Variants in CNTNAP2 observed in about 807,000 individuals in gnomAD.
CNTNAP2 encodes contactin associated protein 2, also known as contactin-associated protein-like 2.
A neutral mutation model predicts 155.2 loss-of-function variants in CNTNAP2; 98 were observed. The ratio of observed to expected loss-of-function variants is 0.63; its 90% CI spans 0.54 to 0.75. The LOEUF is 0.75. CNTNAP2 is among the 30% of genes least tolerant of loss of function. The pLI is 0.00. For missense variants in CNTNAP2, 1,727 were observed against 1,688.1 expected (o/e 1.02, Z -0.40); for synonymous variants, 651 against 631.2 (o/e 1.03, Z -0.47).
chr7:148,196,280 A>C (rs1330294745), intron 18 of CNTNAP2, among the ~76,000 whole-genome samples: 2 of 152,204 alleles, frequency 1.3e-5, no homozygotes, highest in East Asian at 1.9e-4. Context: ...ATGAAAATGC[A>C]GTTTGAATAG....
intron 1 of CNTNAP2, among the ~76,000 whole-genome samples, chr7:146,177,865 G>A (rs1006359602): frequency 1.3e-5 from 2 of 151,748 alleles, no homozygotes; most frequent in African/African-American, 2.4e-5. Context: ...TATTGTTTCT[G>A]TTGTTTCATA....
At chr7:147,031,049 T>G (rs1331639910) in intron 3 of CNTNAP2, among the ~76,000 whole-genome samples, 1 of 152,194 alleles carries the variant, frequency 6.6e-6, no homozygotes, top group African/African-American at 2.4e-5. Flanking sequence ...CTTCTACATT[T>G]TCGTATCCAT....
rs1197734072 is a variant in CNTNAP2, at chr7:146,701,759, G to A, written c.98-72512G>A. On this transcript the variant is annotated intron_variant, in intron 1 of 23. Coordinates refer to ENST00000361727, the MANE Select transcript of CNTNAP2 (RefSeq NM_014141.6). Reference sequence around the variant, plus strand: ...TGAAAATATATTATACTCTGATATTGAGAAATTTGCAGATTTTGAAGTAAG... The same window carrying A: ...TGAAAATATATTATACTCTGATATTAAGAAATTTGCAGATTTTGAAGTAAG... Among the ~76,000 whole-genome samples the A allele has an allele frequency of 2.6e-5, 4 of 152,014 alleles. No homozygotes were observed. In the South Asian group the frequency reaches 8.3e-4, roughly 31 times the overall value.
At chr7:146,384,401 A>C (rs1254397974) in intron 1 of CNTNAP2, among the ~76,000 whole-genome samples, 1 of 152,162 alleles carries the variant, frequency 6.6e-6, no homozygotes, top group Admixed American at 6.5e-5. Context: ...AGAATCATAA[A>C]ACCATGCTGA....
chr7:147,217,928 A>T (rs1803312519), intron 8 of CNTNAP2, among the ~76,000 whole-genome samples: 1 of 151,966 alleles, frequency 6.6e-6, no homozygotes, highest in African/African-American at 2.4e-5. Context: ...AAAGTTTTGG[A>T]CATAGACTTG....
intron 13 of CNTNAP2, among the ~76,000 whole-genome samples, chr7:147,863,219 T>C (rs765399414): frequency 2.0e-5 from 3 of 152,148 alleles, no homozygotes; most frequent in African/African-American, 2.4e-5. Flanking sequence ...CTGAGAATGA[T>C]GGTTTCCAGC....
chr7:148,325,174 C>G (rs943441663), intron 21 of CNTNAP2, among the ~76,000 whole-genome samples: 1 of 152,196 alleles, frequency 6.6e-6, no homozygotes, highest in Non-Finnish European at 1.5e-5. Context: ...GTATAAGATT[C>G]TAAAGCCTTG....
intron 13 of CNTNAP2, among the ~76,000 whole-genome samples, chr7:147,898,109 A>T (rs926812960): frequency 2.0e-5 from 3 of 152,232 alleles, no homozygotes; most frequent in African/African-American, 7.2e-5. Context: ...TGCCAAGGGA[A>T]AATAATAACT....
chr7:147,366,637 A>G (rs1413962012), intron 9 of CNTNAP2, among the ~76,000 whole-genome samples: 1 of 152,082 alleles, frequency 6.6e-6, no homozygotes, highest in African/African-American at 2.4e-5. Flanking sequence ...TTTCACTTAA[A>G]TCTTCTCTTC....
At chr7:147,645,629 A>C (rs1299293509) in intron 13 of CNTNAP2, among the ~76,000 whole-genome samples, 1 of 152,218 alleles carries the variant, frequency 6.6e-6, no homozygotes, top group Non-Finnish European at 1.5e-5. Flanking sequence ...GTAAGCAACT[A>C]TTTCAACAAT....
intron 21 of CNTNAP2, among the ~76,000 whole-genome samples, chr7:148,280,292 G>A (rs1796949688): frequency 2.0e-5 from 3 of 152,116 alleles, no homozygotes; most frequent in African/African-American, 7.2e-5. Flanking sequence ...CTAGGTGACA[G>A]AGCTAGACTC....
intron 21 of CNTNAP2, among the ~76,000 whole-genome samples, chr7:148,325,529 T>A (rs914406499): frequency 2.6e-5 from 4 of 152,206 alleles, no homozygotes; most frequent in Non-Finnish European, 5.9e-5. Flanking sequence ...TCAGTTCCAA[T>A]AGAAAACCAT....
chr7:146,656,175 A>C (rs1799993240), intron 1 of CNTNAP2, among the ~76,000 whole-genome samples: 1 of 152,216 alleles, frequency 6.6e-6, no homozygotes, highest in African/African-American at 2.4e-5. Flanking sequence ...TTCAACGTTT[A>C]TGGTCTTTTG....
intron 1 of CNTNAP2, among the ~76,000 whole-genome samples, chr7:146,507,197 C>G (rs1366467643): frequency 6.6e-6 from 1 of 152,178 alleles, no homozygotes; most frequent in Non-Finnish European, 1.5e-5. Flanking sequence ...TCTCACAAGC[C>G]TGAAGGGTGG....
At chr7:147,028,912 G>A (rs1430533014) in intron 3 of CNTNAP2, among the ~76,000 whole-genome samples, 1 of 151,126 alleles carries the variant, frequency 6.6e-6, no homozygotes, top group African/African-American at 2.4e-5. Flanking sequence ...GAAGATAAAG[G>A]AGAAGCAATC....
At chr7:146,851,539 G>T (rs1794877301) in intron 3 of CNTNAP2, among the ~76,000 whole-genome samples, 1 of 152,042 alleles carries the variant, frequency 6.6e-6, no homozygotes, top group African/African-American at 2.4e-5. Context: ...TGAGGGGTTG[G>T]CAGGGTTGAC....
Position 148,278,569 on chromosome 7 carries a change from C to A in CNTNAP2, c.3475+11443C>A, listed in dbSNP as rs1370961035. 5.0e-3 allele frequency among the ~76,000 whole-genome samples: 584 copies of A among 116,372 alleles called. 1 individual carries two copies. The highest frequency in any genetic ancestry group is 5.6e-3 in the African/African-American group (170 of 30,262). 76.3% of individuals were successfully genotyped at this position (116,372 alleles called of 152,430 possible). ...TGGGCAACAGAGTGAGACTACATCT[C>A]AAAAAAAAAAAAAAAAAAAGCCTGA... On this transcript the variant is annotated intron_variant, in intron 21 of 23. Coordinates refer to ENST00000361727, the MANE Select transcript of CNTNAP2 (RefSeq NM_014141.6).
intron 3 of CNTNAP2, among the ~76,000 whole-genome samples, chr7:146,965,433 C>T (rs1335873897): frequency 6.6e-6 from 1 of 151,970 alleles, no homozygotes. Context: ...CTTCAAATCC[C>T]TCAGGATTTT....
chr7:146,530,713 T>A (rs1232579482), intron 1 of CNTNAP2, among the ~76,000 whole-genome samples: 2 of 152,002 alleles, frequency 1.3e-5, no homozygotes, highest in Non-Finnish European at 2.9e-5. Context: ...TATTAAAAAG[T>A]CAAAAAATAA....
Sources: gnomAD v4.1 joint callset for allele counts (sites outside exome capture counted in the v4.1 genomes callset) on GRCh38, gnomAD v4.1.1 for gene constraint, MANE v1.5 for transcripts, NCBI Gene and HGNC (gene_info 2026-07-23, HGNC 2026-07-21) for gene names.